PAX7: variants seen among roughly 807,000 people sequenced by gnomAD.
The protein encoded by PAX7 is paired box 7.
PAX7 carries 18 observed loss-of-function variants against 50.7 expected under a neutral mutation model. The ratio of observed to expected loss-of-function variants is 0.36; its 90% CI spans 0.25 to 0.53. The LOEUF (loss-of-function observed/expected upper bound fraction) is 0.53. Ranked by LOEUF, PAX7 falls within the 20% of genes least tolerant of loss-of-function variation. PAX7 has a pLI of 0.93. For missense variants in PAX7, 644 were observed against 702.9 expected (o/e 0.92, Z 0.95); for synonymous variants, 310 against 290.4 (o/e 1.07, Z -0.69).
intron 4 of PAX7, among the ~76,000 whole-genome samples, chr1:18,668,405 A>G (rs537562072): frequency 1.3e-5 from 2 of 152,330 alleles, no homozygotes; most frequent in South Asian, 2.1e-4. Flanking sequence ...ATGCTTGTTA[A>G]AAATAATAAC....
rs746174402 is a variant in PAX7, at chr1:18,632,166, T to C, written c.85+478T>C. On this transcript the variant is annotated intron_variant, in intron 1 of 8. Coordinates refer to ENST00000420770, the MANE Select transcript of PAX7 (RefSeq NM_001135254.2). The surrounding 1 kb of genome is among the most constrained non-coding windows in gnomAD (Gnocchi z 6.3). ...TGGGTGATACTTTATATGCCTCAAC[T>C]ACCACGGCTATCCATTTCTTCCGAA... 2.0e-4 allele frequency among the ~76,000 whole-genome samples: 31 copies of C among 152,188 alleles called. No individual in the cohort carries two copies. The highest frequency in any genetic ancestry group is 2.6e-4 in the Non-Finnish European group (18 of 68,032).
chr1:18,732,447 G>A (rs539047938), intron 7 of PAX7, among the ~76,000 whole-genome samples: 1 of 152,358 alleles, frequency 6.6e-6, no homozygotes, highest in African/African-American at 2.4e-5. Context: ...ACAAAATGCA[G>A]TTCCATCCTG....
At chr1:18,668,857 C>T (rs1014577037) in intron 4 of PAX7, among the ~76,000 whole-genome samples, 1 of 152,242 alleles carries the variant, frequency 6.6e-6, no homozygotes, top group South Asian at 2.1e-4. Flanking sequence ...GGAGGGCTGC[C>T]TTTGTCCTGG....
At chr1:18,717,400 G>C (rs1252841615) in intron 7 of PAX7, among the ~76,000 whole-genome samples, 1 of 152,160 alleles carries the variant, frequency 6.6e-6, no homozygotes, top group African/African-American at 2.4e-5. Context: ...TTCCCCACCC[G>C]TTCATTAGTT....
Position 18,698,697 on chromosome 1 carries a change from G to A in PAX7, c.787-1956G>A, listed in dbSNP as rs572282537. On this transcript the variant is annotated intron_variant, in intron 5 of 8. Coordinates refer to ENST00000420770, the MANE Select transcript of PAX7 (RefSeq NM_001135254.2). ...TCCCTGCCACTCCAGGGTGCCCCGG[G>A]GAAACCCTCGGCGCCCTGTGGAAGT... Among the ~76,000 whole-genome samples the A allele has an allele frequency of 1.6e-3, 242 of 152,270 alleles. 1 individual carries two copies. Among genetic ancestry groups the A allele is most frequent in the African/African-American group, 5.1e-3 (213 of 41,554 alleles).
chr1:18,732,552 G>A (rs1458861285), intron 7 of PAX7, among the ~76,000 whole-genome samples: 3 of 152,226 alleles, frequency 2.0e-5, no homozygotes, highest in Non-Finnish European at 2.9e-5. Flanking sequence ...ATGAATGAAG[G>A]ATATCTTCAA....
intron 4 of PAX7, among the ~76,000 whole-genome samples, chr1:18,689,157 T>A (rs1337972244): frequency 1.3e-5 from 2 of 152,114 alleles, no homozygotes; most frequent in Non-Finnish European, 2.9e-5. Flanking sequence ...GGTGCCCCAC[T>A]CCCCATCCAC....
At chr1:18,673,960 G>A (rs539963673) in intron 4 of PAX7, among the ~76,000 whole-genome samples, 5 of 152,364 alleles carry the variant, frequency 3.3e-5, no homozygotes, top group East Asian at 3.9e-4. Flanking sequence ...GGCTTCCAGC[G>A]TGGGGCCAGG....
chr1:18,682,627 C>G (rs114353076), intron 4 of PAX7, among the ~76,000 whole-genome samples: 39 of 152,146 alleles, frequency 2.6e-4, no homozygotes, highest in South Asian at 1.9e-3. Flanking sequence ...GGCAGTGGCC[C>G]TGGGCAAGTC....
intron 4 of PAX7, among the ~76,000 whole-genome samples, chr1:18,662,025 C>T (rs1234754845): frequency 6.6e-6 from 1 of 151,914 alleles, no homozygotes; most frequent in Non-Finnish European, 1.5e-5. Context: ...TTTTGGGGGC[C>T]CTGACTGAGC....
chr1:18,703,351 T>TG, intron 7 of PAX7, 55 bp downstream of exon 7: 1 of 1,497,222 alleles, frequency 6.7e-7, no homozygotes, highest in Non-Finnish European at 9.3e-7. Flanking sequence ...GTCAGACATC[T>TG]GCAGACAGCA....
chr1:18,707,890 G>A (rs1029885900), intron 7 of PAX7, among the ~76,000 whole-genome samples: 8 of 152,150 alleles, frequency 5.3e-5, no homozygotes, highest in East Asian at 3.9e-4. Context: ...TAGCTCATTC[G>A]ACTCATGTGG....
intron 7 of PAX7, among the ~76,000 whole-genome samples, chr1:18,706,664 G>A (rs1010810723): frequency 1.3e-5 from 2 of 151,792 alleles, no homozygotes; most frequent in Admixed American, 1.3e-4. Context: ...TGTATATTTA[G>A]TAGAGACAGG....
chr1:18,686,899 A>ATTT (rs66970112), intron 4 of PAX7, among the ~76,000 whole-genome samples: 12 of 149,236 alleles, frequency 8.0e-5, no homozygotes, highest in African/African-American at 2.9e-4. Context: ...TATTATTATT[A>ATTT]TTATTTTTTG....
chr1:18,664,187 TGGGCAGAGGCC>T (rs2088635826), intron 4 of PAX7, among the ~76,000 whole-genome samples: 1 of 152,212 alleles, frequency 6.6e-6, no homozygotes, highest in African/African-American at 2.4e-5. Context: ...CACAGATGGA[TGGGCAGAGGCC>T]CCAGGAAGGT....
At position 18,735,594 on chromosome 1, in the gene PAX7, G is replaced by A. The variant is rs1365118563; in HGVS notation, c.1156-38G>A. ...CAGTGTGCTCGTGTCTCTGGGGTCT[G>A]TCCGGTGAGCCTGGCACTAATGGCC... On this transcript the variant is annotated intron_variant, in intron 7 of 8. Coordinates refer to ENST00000420770, the MANE Select transcript of PAX7 (RefSeq NM_001135254.2). This position sits in a 1 kb window ranked among gnomAD's most constrained non-coding sequence, Gnocchi z 4.0. 1.3e-6 allele frequency: 2 copies of A among 1,583,792 alleles called. No individual in the cohort carries two copies. The highest frequency in any genetic ancestry group is 1.7e-6 in the Non-Finnish European group (2 of 1,161,100).
intron 4 of PAX7, among the ~76,000 whole-genome samples, chr1:18,652,006 CA>C (rs1268943080): frequency 6.6e-6 from 1 of 151,996 alleles, no homozygotes; most frequent in Non-Finnish European, 1.5e-5. Flanking sequence ...CAGGTCAGGC[CA>C]GGGGGGATTG....
At chr1:18,661,632 G>A (rs537435694) in intron 4 of PAX7, among the ~76,000 whole-genome samples, 5 of 152,338 alleles carry the variant, frequency 3.3e-5, no homozygotes, top group South Asian at 4.1e-4. Context: ...TCACAGTGTC[G>A]GACAAAGCCA....
At chr1:18,661,845 CAG>C (rs1325978835) in intron 4 of PAX7, among the ~76,000 whole-genome samples, 2 of 152,196 alleles carry the variant, frequency 1.3e-5, no homozygotes, top group Non-Finnish European at 2.9e-5. Flanking sequence ...CTTCCAGTGA[CAG>C]GGGGTGGGCG....
Sources: allele counts gnomAD v4.1 joint callset (sites outside exome capture counted in the v4.1 genomes callset), GRCh38; gene constraint gnomAD v4.1.1; non-coding constraint Gnocchi (gnomAD v3.1); transcripts MANE v1.5; gene names NCBI Gene and HGNC (gene_info 2026-07-23, HGNC 2026-07-21).